PIEZO2: variants seen among roughly 807,000 people sequenced by gnomAD.
PIEZO2 encodes piezo type mechanosensitive ion channel component 2, also known as piezo-type mechanosensitive ion channel component 2.
A neutral mutation model predicts 337.3 loss-of-function variants in PIEZO2; 172 were observed. The observed-to-expected ratio is 0.51, with a 90% CI of 0.45 to 0.58. PIEZO2 has a LOEUF of 0.58. PIEZO2 is among the 20% of genes least tolerant of loss of function. PIEZO2 has a pLI of 0.00. For synonymous variants in PIEZO2, 1,251 were observed against 1,228.5 expected (o/e 1.02, Z -0.38); for missense variants, 3,028 against 3,391.3 (o/e 0.89, Z 2.66).
rs532143957 is a variant in PIEZO2, at chr18:10,940,469, G to A, written c.287-29241C>T. ...TCCTCCAGTGAACATTTTACATAAG[G>A]TATCCTTGTAGTTCTTTCTAGAACT... On this transcript the variant is annotated intron_variant, in intron 3 of 55. Coordinates refer to ENST00000674853, the MANE Select transcript of PIEZO2 (RefSeq NM_001378183.1). The surrounding 1 kb of genome is among the most constrained non-coding windows in gnomAD (Gnocchi z 5.3). 3.3e-5 allele frequency among the ~76,000 whole-genome samples: 5 copies of A among 152,272 alleles called. No homozygotes were observed. The highest frequency in any genetic ancestry group is 3.3e-4 in the Admixed American group (5 of 15,298).
At chr18:10,796,644 A>T (rs964980461) in intron 12 of PIEZO2, among the ~76,000 whole-genome samples, 6 of 152,256 alleles carry the variant, frequency 3.9e-5, no homozygotes, top group Non-Finnish European at 8.8e-5. Context: ...AATCTGTAGT[A>T]TAAATATCCC....
rs1222961401 is a variant in PIEZO2 at position 10,943,449 on chromosome 18, A to G, written c.287-32221T>C. On this transcript the variant is annotated intron_variant, in intron 3 of 55. Coordinates refer to ENST00000674853, the MANE Select transcript of PIEZO2 (RefSeq NM_001378183.1). This position sits in a 1 kb window ranked among gnomAD's most constrained non-coding sequence, Gnocchi z 4.5. Reference sequence around the variant, plus strand: ...CACAGGAGACCATTTCGGAGCTTTAAGATTTGACTGCCCTGCTGGATTTCA... The same window carrying G: ...CACAGGAGACCATTTCGGAGCTTTAGGATTTGACTGCCCTGCTGGATTTCA... Among the ~76,000 whole-genome samples, 2 of 152,294 alleles carry G rather than the reference A, an allele frequency of 1.3e-5. No individual in the cohort carries two copies. Among genetic ancestry groups the G allele is most frequent in the East Asian group, 1.9e-4 (1 of 5,178 alleles).
intron 4 of PIEZO2, chr18:10,893,518 C>T (rs1291922271): frequency 6.6e-6 from 1 of 152,170 alleles, no homozygotes; most frequent in African/African-American, 2.4e-5. Flanking sequence ...ATGCAAGGGT[C>T]TCTCTGCATG....
At chr18:11,135,423 A>G (rs1346493883) in intron 1 of PIEZO2, among the ~76,000 whole-genome samples, 1 of 152,336 alleles carries the variant, frequency 6.6e-6, no homozygotes, top group East Asian at 1.9e-4. Flanking sequence ...TTAAAAAGCA[A>G]CTGAAAGACA....
rs868344793 is a variant in PIEZO2, at chr18:10,759,550, T to C, written c.3689A>G (p.Asn1230Ser). 2.0e-6 allele frequency: 3 copies of C among 1,537,358 alleles called. No homozygotes were observed. The highest frequency in any genetic ancestry group is 2.7e-5 in the African/African-American group (2 of 73,152). The change falls in exon 26 of 56, where the codon AAT becomes AGT. Residue 1230 changes from asparagine (N) to serine (S), a missense_variant. By Grantham distance (46) the Asn-to-Ser change is conservative (BLOSUM62 1). Around this residue, in one of 5 missense-constraint regions of PIEZO2, gnomAD observed 1,925 missense variants for 2,051.9 expected, o/e 0.94. Coordinates refer to ENST00000674853, the MANE Select transcript of PIEZO2 (RefSeq NM_001378183.1). The surrounding 1 kb of genome is among the most constrained non-coding windows in gnomAD (Gnocchi z 5.5). Reference sequence around the variant, plus strand: ...GTACAGCCACTTTATGATGTTGTCATTGAAGCTGGCACCCTTGAATCTCCA... The same window carrying C: ...GTACAGCCACTTTATGATGTTGTCACTGAAGCTGGCACCCTTGAATCTCCA... ...YPWRFKGASF[N>S]DNIIKWLYFP...
chr18:11,037,534 C>A (rs1031302168), intron 2 of PIEZO2, among the ~76,000 whole-genome samples: 2 of 152,086 alleles, frequency 1.3e-5, no homozygotes, highest in Non-Finnish European at 2.9e-5. Context: ...ATTGTAAGTC[C>A]TAAATTGTGA....
chr18:10,902,114 A>G (rs1233330595), intron 4 of PIEZO2, among the ~76,000 whole-genome samples: 1 of 152,198 alleles, frequency 6.6e-6, no homozygotes, highest in Non-Finnish European at 1.5e-5. Context: ...TGAACTGCAC[A>G]TGCAAGGGAT....
chr18:10,702,948 T>A (rs2035405928), intron 42 of PIEZO2, among the ~76,000 whole-genome samples: 1 of 152,206 alleles, frequency 6.6e-6, no homozygotes, highest in Non-Finnish European at 1.5e-5. Context: ...CTCAAACTCC[T>A]GGGTGCAATC....
At chr18:10,967,398 C>T (rs2034055298) in intron 3 of PIEZO2, among the ~76,000 whole-genome samples, 1 of 152,120 alleles carries the variant, frequency 6.6e-6, no homozygotes, top group African/African-American at 2.4e-5. Flanking sequence ...ACAAATTGTG[C>T]TCCTATAAAC....
chr18:10,852,215 A>G (rs1207946583), intron 7 of PIEZO2, among the ~76,000 whole-genome samples: 1 of 152,242 alleles, frequency 6.6e-6, no homozygotes, highest in Non-Finnish European at 1.5e-5. Flanking sequence ...ACTATTAAAG[A>G]GGCTCCCCAG....
Position 11,131,157 on chromosome 18 carries a change from C to T in PIEZO2, c.64+17368G>A, listed in dbSNP as rs1437880628. On this transcript the variant is annotated intron_variant, in intron 1 of 55. Coordinates refer to ENST00000674853, the MANE Select transcript of PIEZO2 (RefSeq NM_001378183.1). The surrounding 1 kb of genome is among the most constrained non-coding windows in gnomAD (Gnocchi z 5.3). ...TGGTGGAAACTGAATGTTTGACTAT[C>T]GGTCATCAAGTCACCATGCGACCTT... is the stretch of plus-strand genomic sequence containing the variant. Among the ~76,000 whole-genome samples the T allele has an allele frequency of 1.3e-5, 2 of 152,214 alleles. No homozygotes were observed. Among genetic ancestry groups the T allele is most frequent in the Non-Finnish European group, 2.9e-5 (2 of 68,038 alleles).
At chr18:11,026,237 C>T (rs2036537268) in intron 2 of PIEZO2, among the ~76,000 whole-genome samples, 1 of 152,204 alleles carries the variant, frequency 6.6e-6, no homozygotes, top group Non-Finnish European at 1.5e-5. Context: ...ACATGTTTCA[C>T]ACATTATTTC....
At chr18:11,141,026 G>A (rs898058336) in intron 1 of PIEZO2, among the ~76,000 whole-genome samples, 1 of 152,110 alleles carries the variant, frequency 6.6e-6, no homozygotes, top group Non-Finnish European at 1.5e-5. Context: ...GTATGGCTGC[G>A]GCCCTGGGAA....
At chr18:11,115,382 T>C (rs150757269) in intron 1 of PIEZO2, among the ~76,000 whole-genome samples, 10 of 152,310 alleles carry the variant, frequency 6.6e-5, no homozygotes, top group African/African-American at 2.4e-4. Context: ...ATGCTACACT[T>C]CCTAAATTCT....
rs559399362 is a variant in PIEZO2, at chr18:10,676,144, G to A, written c.8082-856C>T. 6.6e-5 allele frequency among the ~76,000 whole-genome samples: 10 copies of A among 152,320 alleles called. No homozygotes were observed. Among genetic ancestry groups the A allele is most frequent in the African/African-American group, 2.2e-4 (9 of 41,584 alleles). On this transcript the variant is annotated intron_variant, in intron 53 of 55. Coordinates refer to ENST00000674853, the MANE Select transcript of PIEZO2 (RefSeq NM_001378183.1). The surrounding 1 kb of genome is among the most constrained non-coding windows in gnomAD (Gnocchi z 5.1). ...CTCGAGTGACCTCTGCCTCCCACAA[G>A]CCCAGTGCCTTCAATACATTCTTGA... is the stretch of plus-strand genomic sequence containing the variant.
Position 10,750,231 on chromosome 18 carries a change from G to GA in PIEZO2, c.4168-45dup, listed in dbSNP as rs1256377346. On this transcript the variant is annotated intron_variant, in intron 28 of 55. Transcript: ENST00000674853. This position sits in a 1 kb window ranked among gnomAD's most constrained non-coding sequence, Gnocchi z 4.1. ...GGATAATCCTGAAGCTCTGCAGCCAGAAAAAAAAGTGGTGTTTTATGATCC... is the reference window on the plus strand; with the variant it reads ...GGATAATCCTGAAGCTCTGCAGCCAGAAAAAAAAAGTGGTGTTTTATGATCC... The GA allele has an allele frequency of 7.7e-5, 108 of 1,406,256 alleles. No individual in the cohort carries two copies. The highest frequency in any genetic ancestry group is 8.6e-5 in the African/African-American group (6 of 69,920). 87.1% of individuals were successfully genotyped at this position (1,406,256 alleles called of 1,614,324 possible).
chr18:10,724,935 G>C lies in PIEZO2; in HGVS notation c.5029+6472C>G, dbSNP rs147614520. 2 of 1,602,102 alleles carry C rather than the reference G, an allele frequency of 1.2e-6. No homozygotes were observed. The highest frequency in any genetic ancestry group is 4.5e-5 in the East Asian group (2 of 44,824). ...GACAGCCTCCACCTGGACGGCGATG[G>C]AACCCAGGTGGGCGCACCCTGCGGC... On this transcript the variant is annotated intron_variant, in intron 36 of 55. Coordinates refer to ENST00000674853, the MANE Select transcript of PIEZO2 (RefSeq NM_001378183.1). This position sits in a 1 kb window ranked among gnomAD's most constrained non-coding sequence, Gnocchi z 5.8.
intron 3 of PIEZO2, among the ~76,000 whole-genome samples, chr18:10,972,753 T>A (rs1468691144): frequency 6.6e-6 from 1 of 152,192 alleles, no homozygotes; most frequent in Non-Finnish European, 1.5e-5. Flanking sequence ...AGACAGGATT[T>A]GGTTTGGAGT....
At chr18:11,063,396 C>T (rs1006273103) in intron 2 of PIEZO2, among the ~76,000 whole-genome samples, 1 of 151,034 alleles carries the variant, frequency 6.6e-6, no homozygotes, top group Non-Finnish European at 1.5e-5. Flanking sequence ...CTAACCTGCA[C>T]GTTGTGCACA....
Sources: allele counts gnomAD v4.1 joint callset (sites outside exome capture counted in the v4.1 genomes callset), GRCh38; gene constraint gnomAD v4.1.1; regional missense constraint gnomAD v4.1.1; non-coding constraint Gnocchi (gnomAD v3.1); transcripts MANE v1.5; gene names NCBI Gene and HGNC (gene_info 2026-07-23, HGNC 2026-07-21).